CNTN6: variants seen among roughly 807,000 people sequenced by gnomAD.
CNTN6 encodes contactin 6, also known as contactin-6.
A neutral mutation model predicts 122.8 loss-of-function variants in CNTN6; 137 were observed. The ratio of observed to expected loss-of-function variants is 1.12; its 90% CI spans 0.97 to 1.29. The LOEUF (loss-of-function observed/expected upper bound fraction) is 1.29. CNTN6 is among the 50% of genes most tolerant of loss of function. The probability of loss-of-function intolerance (pLI) is 0.00; values close to 1 mark genes in which losing one functional copy is unlikely to be tolerated. For synonymous variants in CNTN6, 570 were observed against 426.0 expected, an observed-to-expected ratio of 1.34 and a Z score of -4.16; for missense variants, 1,634 against 1,223.4, an observed-to-expected ratio of 1.34 and a Z score of -5.01.
chr3:1,268,612 A>G (rs2094968607), intron 4 of CNTN6, among the ~76,000 whole-genome samples: 1 of 151,310 alleles, frequency 6.6e-6, no homozygotes, highest in South Asian at 2.1e-4. Flanking sequence ...GTCTCAAAAA[A>G]AAAAAAAAAA....
At chr3:1,299,515 G>A (rs1696843130) in intron 7 of CNTN6, among the ~76,000 whole-genome samples, 1 of 152,110 alleles carries the variant, frequency 6.6e-6, no homozygotes, top group Admixed American at 6.5e-5. Context: ...AATTTCATTT[G>A]CTAAGCACCT....
At chr3:1,115,941 A>T (rs551095062) in intron 1 of CNTN6, among the ~76,000 whole-genome samples, 1 of 152,322 alleles carries the variant, frequency 6.6e-6, no homozygotes, top group Non-Finnish European at 1.5e-5. Flanking sequence ...AAATAAGTTG[A>T]TGATAGTAGC....
chr3:1,342,099 A>G (rs1353126263), intron 11 of CNTN6, among the ~76,000 whole-genome samples: 3 of 152,058 alleles, frequency 2.0e-5, no homozygotes, highest in Non-Finnish European at 2.9e-5. Context: ...AAAAAAAGTA[A>G]CATAAAAGTA....
chr3:1,399,433 C>A (rs1172974484), intron 20 of CNTN6, among the ~76,000 whole-genome samples: 3 of 151,918 alleles, frequency 2.0e-5, no homozygotes, highest in Non-Finnish European at 2.9e-5. Context: ...CATTGACAAG[C>A]AAAGTAATGG....
At position 1,383,080 on chromosome 3, in the gene CNTN6, A is replaced by T; in HGVS notation, c.2305A>T (p.Ile769Phe). The T allele has an allele frequency of 6.2e-7, 1 of 1,614,058 alleles. No individual in the cohort carries two copies. The highest frequency in any genetic ancestry group is 1.6e-4 in the Middle Eastern group (1 of 6,062). The change falls in exon 18 of 23, where the codon ATC becomes TTC. Residue 769 changes from isoleucine (I) to phenylalanine (F), a missense_variant. Coordinates refer to ENST00000446702, the MANE Select transcript of CNTN6 (RefSeq NM_001289080.2). ...SRFVYRNESI[I>F]PLSPFEVKVG... ...GTTTGTCTACAGAAATGAAAGCATC[A>T]TCCCACTGTCTCCCTTTGAAGTCAA...
Position 1,166,400 on chromosome 3 carries a change from A to T in CNTN6, c.55+18337A>T, listed in dbSNP as rs142089796. 2.5e-3 allele frequency among the ~76,000 whole-genome samples: 386 copies of T among 152,288 alleles called. 2 individuals carry two copies. The highest frequency in any genetic ancestry group is 8.7e-3 in the African/African-American group (362 of 41,560). Reference sequence around the variant, plus strand: ...TTCTTCCTGCATTTTGCCAAACACAAGGCAATTTCTAGGCTTAGTGGAGTT... The same window carrying T: ...TTCTTCCTGCATTTTGCCAAACACATGGCAATTTCTAGGCTTAGTGGAGTT... On this transcript the variant is annotated intron_variant, in intron 2 of 22. Coordinates refer to ENST00000446702, the MANE Select transcript of CNTN6 (RefSeq NM_001289080.2).
Position 1,401,298 on chromosome 3 carries a change from C to T in CNTN6, c.2705-135C>T, listed in dbSNP as rs1038428298. 8 of 678,472 alleles carry T rather than the reference C, an allele frequency of 1.2e-5. No individual in the cohort carries two copies. In the African/African-American group the frequency reaches 1.3e-4, roughly 11 times the overall value. The allele number at this position is 678,472 out of a possible 1,614,324, so 42.0% of individuals were successfully genotyped here. ...TACTGTGATTAGAATTAATATATTT[C>T]AAATGACACTGAAGACATTTTAGCT... On this transcript the variant is annotated intron_variant, in intron 20 of 22. Transcript: ENST00000446702.
chr3:1,401,166 C>T (rs1266993545), intron 20 of CNTN6: 3 of 356,510 alleles, frequency 8.4e-6, no homozygotes, highest in South Asian at 3.0e-5. Flanking sequence ...TAAACAAACT[C>T]AACAGCAATG....
At chr3:1,274,577 C>G (rs932200296) in intron 4 of CNTN6, among the ~76,000 whole-genome samples, 1 of 152,090 alleles carries the variant, frequency 6.6e-6, no homozygotes, top group South Asian at 2.1e-4. Context: ...TGAACTCATA[C>G]TTTACATGGA....
chr3:1,247,687 G>A (rs2125649076), intron 4 of CNTN6, among the ~76,000 whole-genome samples: 1 of 152,294 alleles, frequency 6.6e-6, no homozygotes, highest in Middle Eastern at 3.4e-3. Context: ...CCCGAGGGAA[G>A]CTTCTCCTGT....
chr3:1,293,673 A>T (rs1695712691), intron 5 of CNTN6, among the ~76,000 whole-genome samples: 1 of 152,138 alleles, frequency 6.6e-6, no homozygotes, highest in Non-Finnish European at 1.5e-5. Context: ...TGTGAACTAT[A>T]ATTCAAAAGT....
At chr3:1,141,750 G>C (rs2092613093) in intron 1 of CNTN6, among the ~76,000 whole-genome samples, 2 of 152,150 alleles carry the variant, frequency 1.3e-5, no homozygotes, top group South Asian at 4.1e-4. Context: ...AATTGGACAA[G>C]AATAATTTTC....
chr3:1,245,391 C>T (rs2094569028), intron 4 of CNTN6, among the ~76,000 whole-genome samples: 1 of 128,678 alleles, frequency 7.8e-6, no homozygotes, highest in South Asian at 2.6e-4. Context: ...TTCACAGCAA[C>T]CTAGATGGAA....
chr3:1,202,356 C>T (rs951647067), intron 2 of CNTN6, among the ~76,000 whole-genome samples: 8 of 151,934 alleles, frequency 5.3e-5, no homozygotes, highest in Admixed American at 2.6e-4. Context: ...CTGGCTAACA[C>T]GGTGAAACCG....
At chr3:1,344,060 G>T (rs1204436816) in intron 11 of CNTN6, among the ~76,000 whole-genome samples, 1 of 152,130 alleles carries the variant, frequency 6.6e-6, no homozygotes. Context: ...ACCTGTATCG[G>T]GGCTGCGGTT....
intron 4 of CNTN6, among the ~76,000 whole-genome samples, chr3:1,257,523 TA>T (rs570299336): frequency 8.6e-4 from 131 of 152,138 alleles, no homozygotes; most frequent in African/African-American, 3.1e-3. Flanking sequence ...GAGCCTGAGG[TA>T]AACACCCAAC....
intron 2 of CNTN6, among the ~76,000 whole-genome samples, chr3:1,152,124 ATATT>A (rs1242152997): frequency 6.6e-6 from 1 of 151,556 alleles, no homozygotes; most frequent in African/African-American, 2.4e-5. Context: ...ATTTATTTAT[ATATT>A]TGTTTGTTTG....
At chr3:1,154,521 G>A (rs2092919882) in intron 2 of CNTN6, among the ~76,000 whole-genome samples, 1 of 147,844 alleles carries the variant, frequency 6.8e-6, no homozygotes, top group African/African-American at 2.6e-5. Context: ...TTGGCTCACT[G>A]CAACCTCTGC....
At chr3:1,370,016 C>T (rs1362856886) in intron 12 of CNTN6, among the ~76,000 whole-genome samples, 2 of 152,008 alleles carry the variant, frequency 1.3e-5, no homozygotes, top group Non-Finnish European at 2.9e-5. Flanking sequence ...ATGATTCCCT[C>T]TCTTTCTCTT....
Sources: gnomAD v4.1 joint callset for allele counts (sites outside exome capture counted in the v4.1 genomes callset) on GRCh38, gnomAD v4.1.1 for gene constraint, MANE v1.5 for transcripts, NCBI Gene and HGNC (gene_info 2026-07-23, HGNC 2026-07-21) for gene names.